Variants in ANXA8 observed in about 807,000 individuals in gnomAD.
The protein encoded by ANXA8 is VAC-beta.
A neutral mutation model predicts 26.8 loss-of-function variants in ANXA8; 9 were observed. That is an observed-to-expected ratio of 0.34 (90% CI 0.20 to 0.59). The LOEUF (loss-of-function observed/expected upper bound fraction) is 0.59, where lower values mean the gene tolerates loss of function less well. ANXA8 is among the 20% of genes least tolerant of loss of function. The pLI, the probability that ANXA8 is intolerant of heterozygous loss-of-function variation, is 0.84. For synonymous variants in ANXA8, 39 were observed against 94.8 expected (o/e 0.41, Z 3.42); for missense variants, 83 against 238.5 (o/e 0.35, Z 4.29).
the ANXA8 span, among the ~76,000 whole-genome samples, chr10:47,701,381 G>A: frequency 6.6e-6 from 1 of 151,688 alleles, no homozygotes; most frequent in African/African-American, 2.4e-5. Context: ...CTACCCTGAA[G>A]CTACATCTCC....
the ANXA8 span, among the ~76,000 whole-genome samples, chr10:47,560,596 G>C: frequency 1.3e-5 from 2 of 151,846 alleles, no homozygotes; most frequent in Non-Finnish European, 2.9e-5. Context: ...ACCACTTGCA[G>C]GGCACCGTGC....
chr10:47,628,459 A>C, the ANXA8 span, among the ~76,000 whole-genome samples: 46 of 151,196 alleles, frequency 3.0e-4, no homozygotes, highest in African/African-American at 1.1e-3. Context: ...TAATTTGTCA[A>C]GCAAATTCTC....
At chr10:47,949,852 A>G in the ANXA8 span, among the ~76,000 whole-genome samples, 6 of 149,840 alleles carry the variant, frequency 4.0e-5, no homozygotes, top group African/African-American at 1.2e-4. Context: ...AGGATGAAGA[A>G]CAGATGAAAT....
chr10:47,738,872 G>GTT, the ANXA8 span, among the ~76,000 whole-genome samples: 10 of 150,448 alleles, frequency 6.6e-5, no homozygotes, highest in South Asian at 6.3e-4. Flanking sequence ...CCATCAGCCA[G>GTT]TTTTTTTGTT....
the ANXA8 span, chr10:47,690,098 A>G: frequency 3.3e-5 from 37 of 1,115,874 alleles, no homozygotes; most frequent in Non-Finnish European, 7.5e-6. Flanking sequence ...ACAGTTCCGC[A>G]TTTAACCGAA....
chr10:47,989,738 G>T, the ANXA8 span, among the ~76,000 whole-genome samples: 2 of 94,640 alleles, frequency 2.1e-5, no homozygotes, highest in African/African-American at 6.5e-5. Context: ...CCACGCCTTG[G>T]CCTTCCCCTG....
the ANXA8 span, among the ~76,000 whole-genome samples, chr10:47,694,694 C>T: frequency 1.2e-3 from 189 of 151,980 alleles, 3 homozygotes; most frequent in Middle Eastern, 3.4e-3. Flanking sequence ...TCTGGGATTA[C>T]AGGCGCGAGC....
chr10:47,779,056 G>A, the ANXA8 span, among the ~76,000 whole-genome samples: 1 of 150,530 alleles, frequency 6.6e-6, no homozygotes, highest in African/African-American at 2.5e-5. Flanking sequence ...TAAGAATCAA[G>A]CTATCAAATA....
chr10:47,776,533 G>T, the ANXA8 span, among the ~76,000 whole-genome samples: 1 of 151,940 alleles, frequency 6.6e-6, no homozygotes, highest in Non-Finnish European at 1.5e-5. Flanking sequence ...CCGGCTTCAT[G>T]TAAGATGGTG....
the ANXA8 span, among the ~76,000 whole-genome samples, chr10:47,490,072 G>A: frequency 2.0e-5 from 3 of 150,308 alleles, no homozygotes; most frequent in Non-Finnish European, 2.9e-5. Context: ...CCCAGGCTGG[G>A]CCTGTGTGCC....
At chr10:47,651,353 TATAAGGG>T in the ANXA8 span, among the ~76,000 whole-genome samples, 1 of 150,732 alleles carries the variant, frequency 6.6e-6, no homozygotes, top group East Asian at 1.9e-4. Flanking sequence ...ATGGGAACCC[TATAAGGG>T]TTCCTTACTT....
chr10:47,549,829 CACA>C, the ANXA8 span, among the ~76,000 whole-genome samples: 2 of 143,204 alleles, frequency 1.4e-5, no homozygotes, highest in Non-Finnish European at 3.0e-5. Flanking sequence ...ATTGGCTGGG[CACA>C]GTGGCTCATG....
the ANXA8 span, among the ~76,000 whole-genome samples, chr10:47,685,367 A>G: frequency 3.6e-5 from 5 of 139,050 alleles, no homozygotes; most frequent in East Asian, 2.8e-4. Context: ...AAAAAGAAAA[A>G]GAAAAAAAAA....
chr10:47,670,602 C>T, the ANXA8 span, among the ~76,000 whole-genome samples: 1 of 151,862 alleles, frequency 6.6e-6, no homozygotes, highest in Non-Finnish European at 1.5e-5. Context: ...TTTGCATTTC[C>T]CCAGTAACTA....
At chr10:47,521,698 C>T in the ANXA8 span, among the ~76,000 whole-genome samples, 1 of 150,088 alleles carries the variant, frequency 6.7e-6, no homozygotes, top group Non-Finnish European at 1.5e-5. Context: ...ATTTTAGAGG[C>T]AAACCAACTA....
At chr10:47,574,165 G>T in the ANXA8 span, among the ~76,000 whole-genome samples, 2 of 49,582 alleles carry the variant, frequency 4.0e-5, 1 homozygote, top group Non-Finnish European at 1.0e-4. Context: ...ACCCAGACTG[G>T]AGTGCACTGG....
chr10:47,584,297 TA>T, the ANXA8 span, among the ~76,000 whole-genome samples: 1 of 147,986 alleles, frequency 6.8e-6, no homozygotes, highest in Non-Finnish European at 1.5e-5. Context: ...GGGCGTTTCA[TA>T]ATGCATTGTT....
the ANXA8 span, among the ~76,000 whole-genome samples, chr10:47,722,687 A>T: frequency 4.2e-5 from 6 of 141,724 alleles, 1 homozygote; most frequent in South Asian, 1.1e-3. Context: ...AGAGAGTTCC[A>T]GGTGGAAGCC....
chr10:47,551,907 C>G, the ANXA8 span: 69 of 1,187,816 alleles, frequency 5.8e-5, no homozygotes, highest in African/African-American at 1.0e-3. Flanking sequence ...TTCTTCTGGT[C>G]CTTAGTCTCC....
Sources: gnomAD v4.1 joint callset for allele counts (sites outside exome capture counted in the v4.1 genomes callset) on GRCh38, gnomAD v4.1.1 for gene constraint, MANE v1.5 for transcripts, NCBI Gene and HGNC (gene_info 2026-07-23, HGNC 2026-07-21) for gene names.